DPY19L1: variants seen among roughly 807,000 people sequenced by gnomAD.
The protein encoded by DPY19L1 is protein C-mannosyl-transferase DPY19L1.
A neutral mutation model predicts 96.9 loss-of-function variants in DPY19L1; 35 were observed. That is an observed-to-expected ratio of 0.36 (90% CI 0.28 to 0.48). DPY19L1 has a LOEUF of 0.48. DPY19L1 is among the 20% of genes least tolerant of loss of function. DPY19L1 has a pLI of 0.99. For missense variants in DPY19L1, 521 were observed against 777.9 expected (o/e 0.67, Z 3.93); for synonymous variants, 205 against 252.6 (o/e 0.81, Z 1.79).
intron 1 of DPY19L1, among the ~76,000 whole-genome samples, chr7:35,026,389 G>C (rs1347197859): frequency 4.6e-5 from 7 of 152,196 alleles, no homozygotes. Flanking sequence ...GGAATCACCT[G>C]GGAGCTTTCC....
chr7:34,959,422 T>C (rs1186092068), intron 10 of DPY19L1, among the ~76,000 whole-genome samples: 1 of 152,220 alleles, frequency 6.6e-6, no homozygotes, highest in Admixed American at 6.5e-5. Context: ...CACATATGTT[T>C]ATTGCAGCAC....
Position 35,037,361 on chromosome 7 carries a change from C to T in DPY19L1, c.34G>A (p.Ala12Thr). The T allele has an allele frequency of 2.8e-6, 1 of 356,316 alleles. No homozygotes were observed. Among genetic ancestry groups the T allele is most frequent in the Non-Finnish European group, 5.0e-6 (1 of 198,920 alleles). 22.1% of individuals were successfully genotyped at this position (356,316 alleles called of 1,614,324 possible). A position where few individuals can be genotyped will look rare whatever the true frequency, so the allele number is the denominator to read the frequency against. The change falls in exon 1 of 22, where the codon GCG becomes ACG. Residue 12 changes from alanine to threonine, a missense_variant. Coordinates refer to ENST00000638088, the MANE Select transcript of DPY19L1 (RefSeq NM_001366673.1). ...GGTGGCTGGGGCGGCTTGGGAGCCG[C>T]CTCCCGGTGCTTGTTCCGCGCCTGC... is the stretch of plus-strand genomic sequence containing the variant. ...VLQARNKHRE[A>T]APKPPQPPRA...
upstream of DPY19L1, chr7:35,037,913 C>A: frequency 8.1e-7 from 1 of 1,237,968 alleles, no homozygotes; most frequent in Non-Finnish European, 1.0e-6. Flanking sequence ...AGTGATGGGG[C>A]CGAAGGAAGA....
intron 7 of DPY19L1, among the ~76,000 whole-genome samples, chr7:34,976,876 T>C (rs1403072752): frequency 3.9e-5 from 6 of 152,074 alleles, no homozygotes; most frequent in African/African-American, 1.4e-4. Context: ...ATCCACCTCC[T>C]GGGTTCAAGC....
chr7:34,995,602 T>G (rs1785264964), intron 6 of DPY19L1, among the ~76,000 whole-genome samples: 1 of 152,166 alleles, frequency 6.6e-6, no homozygotes, highest in African/African-American at 2.4e-5. Context: ...ATTATCAAGT[T>G]TTGATAGGTT....
intron 3 of DPY19L1, among the ~76,000 whole-genome samples, chr7:35,016,047 T>C (rs1461785402): frequency 6.7e-6 from 1 of 150,148 alleles, no homozygotes; most frequent in Non-Finnish European, 1.5e-5. Flanking sequence ...TTAATATAAA[T>C]TCATGATTTC....
At position 34,949,690 on chromosome 7, in the gene DPY19L1, T is replaced by C. The variant is rs564583395; in HGVS notation, c.1422+107A>G. The C allele has an allele frequency of 1.5e-5, 11 of 711,740 alleles. No homozygotes were observed. In the East Asian group the frequency reaches 2.2e-4, roughly 14 times the overall value. The allele number at this position is 711,740 out of a possible 1,614,324, so 44.1% of individuals were successfully genotyped here. Reference sequence around the variant, plus strand: ...TAAGCTGCCAGATTTTCCTTTTCCTTCAAACTGAGATAACAGCACATAAAG... The same window carrying C: ...TAAGCTGCCAGATTTTCCTTTTCCTCCAAACTGAGATAACAGCACATAAAG... On this transcript the variant is annotated intron_variant, in intron 14 of 21. Coordinates refer to ENST00000638088, the MANE Select transcript of DPY19L1 (RefSeq NM_001366673.1).
intron 4 of DPY19L1, among the ~76,000 whole-genome samples, chr7:35,012,988 G>A (rs187542489): frequency 3.4e-4 from 52 of 152,176 alleles, no homozygotes; most frequent in Non-Finnish European, 6.9e-4. Context: ...AATACATCAC[G>A]TGACCAATTT....
chr7:35,019,304 A>G (rs761447492), intron 1 of DPY19L1, among the ~76,000 whole-genome samples: 2 of 152,190 alleles, frequency 1.3e-5, no homozygotes, highest in Non-Finnish European at 2.9e-5. Context: ...GGCCAGATAC[A>G]GTGGCACATG....
At position 34,969,438 on chromosome 7, in the gene DPY19L1, T is replaced by C. The variant is rs750767239; in HGVS notation, c.1009A>G (p.Thr337Ala). The C allele has an allele frequency of 3.1e-5, 48 of 1,533,878 alleles. No individual in the cohort carries two copies. Among genetic ancestry groups the C allele is most frequent in the Non-Finnish European group, 3.0e-5 (34 of 1,140,888 alleles). ...PWQFAQFVLL[T>A]QIASLFAVYV... is the part of the protein sequence containing the mutation. Reference sequence around the variant, plus strand: ...TTAAAATATAATCACCTCACCTGAGTAAGAAGTACAAACTGAGCAAACTGC... The same window carrying C: ...TTAAAATATAATCACCTCACCTGAGCAAGAAGTACAAACTGAGCAAACTGC... The change falls in exon 9 of 22, where the codon ACT becomes GCT. Residue 337 changes from threonine to alanine, a missense_variant. Coordinates refer to ENST00000638088, the MANE Select transcript of DPY19L1 (RefSeq NM_001366673.1).
At chr7:34,951,959 G>A (rs1784274857) in intron 13 of DPY19L1, among the ~76,000 whole-genome samples, 1 of 149,750 alleles carries the variant, frequency 6.7e-6, no homozygotes, top group African/African-American at 2.5e-5. Context: ...AAAAGAAATA[G>A]AAAACTTGAA....
At chr7:35,018,050 A>G (rs1246661786) in intron 2 of DPY19L1, 81 bp from the exon 3 acceptor site, 2 of 1,005,276 alleles carry the variant, frequency 2.0e-6, no homozygotes, top group Non-Finnish European at 2.9e-6. Context: ...AGCAAAAATA[A>G]AAGTATCAGT....
At chr7:34,974,377 T>TTTC (rs1784790556) in intron 7 of DPY19L1, among the ~76,000 whole-genome samples, 2 of 152,204 alleles carry the variant, frequency 1.3e-5, no homozygotes, top group African/African-American at 2.4e-5. Flanking sequence ...CACGGGTACC[T>TTTC]AAAAAGATTC....
chr7:35,019,540 GAAGAAGA>G (rs992828244), intron 1 of DPY19L1, among the ~76,000 whole-genome samples: 24 of 151,560 alleles, frequency 1.6e-4, no homozygotes, highest in African/African-American at 5.8e-4. Context: ...GAAGGAGAAG[GAAGAAGA>G]AAGAAGGAAG....
intron 6 of DPY19L1, among the ~76,000 whole-genome samples, chr7:35,005,334 T>TC (rs1324396290): frequency 6.6e-6 from 1 of 151,132 alleles, no homozygotes; most frequent in Admixed American, 6.6e-5. Context: ...CATTTCACCA[T>TC]CCTAAGATTC....
At chr7:34,960,255 TTA>T (rs1784475176) in intron 10 of DPY19L1, among the ~76,000 whole-genome samples, 1 of 151,950 alleles carries the variant, frequency 6.6e-6, no homozygotes, top group Admixed American at 6.6e-5. Context: ...AACGTGTTAT[TTA>T]TAGTTATATC....
chr7:34,963,193 C>CAA (rs58387078), intron 10 of DPY19L1, among the ~76,000 whole-genome samples: 130 of 78,622 alleles, frequency 1.7e-3, no homozygotes, highest in East Asian at 8.8e-3. Flanking sequence ...AGATCTGTCT[C>CAA]AAAAAAAAAA....
At chr7:34,956,617 C>T (rs1784385111) in intron 11 of DPY19L1, among the ~76,000 whole-genome samples, 1 of 151,758 alleles carries the variant, frequency 6.6e-6, no homozygotes, top group Non-Finnish European at 1.5e-5. Context: ...TGCCATTCTG[C>T]CTCAGCCTCC....
At chr7:35,030,995 G>T (rs918137070) in intron 1 of DPY19L1, among the ~76,000 whole-genome samples, 1 of 152,264 alleles carries the variant, frequency 6.6e-6, no homozygotes, top group East Asian at 1.9e-4. Flanking sequence ...TCTTCCCCTG[G>T]AAGAGTAATG....
Sources: gnomAD v4.1 joint callset for allele counts (sites outside exome capture counted in the v4.1 genomes callset) on GRCh38, gnomAD v4.1.1 for gene constraint, MANE v1.5 for transcripts, NCBI Gene and HGNC (gene_info 2026-07-23, HGNC 2026-07-21) for gene names.